Variants in XRRA1 observed in about 807,000 individuals in gnomAD.
XRRA1 encodes the protein X-ray radiation resistance-associated protein 1.
In XRRA1, 69 loss-of-function variants were observed where a neutral mutation model predicts 80.2. The observed-to-expected ratio is 0.86, with a 90% CI of 0.71 to 1.05. The LOEUF (loss-of-function observed/expected upper bound fraction) is 1.05. XRRA1 is among the 50% of genes least tolerant of loss of function. The pLI is 0.00. For missense variants in XRRA1, 967 were observed against 976.4 expected, an observed-to-expected ratio of 0.99 and a Z score of 0.13; for synonymous variants, 348 against 389.9, an observed-to-expected ratio of 0.89 and a Z score of 1.27.
chr11:74,887,933 A>G (rs1476547031), intron 10 of XRRA1, among the ~76,000 whole-genome samples: 1 of 152,146 alleles, frequency 6.6e-6, no homozygotes, highest in Non-Finnish European at 1.5e-5. Context: ...GGAAGCTCGA[A>G]CTGGGTAGAG....
chr11:74,947,223 G>C (rs1947761543), intron 1 of XRRA1, among the ~76,000 whole-genome samples: 1 of 151,904 alleles, frequency 6.6e-6, no homozygotes, highest in Non-Finnish European at 1.5e-5. Flanking sequence ...ATTAAAGCTG[G>C]ATCTTGAAAG....
At chr11:74,851,545 C>T (rs2039853670) in intron 13 of XRRA1, among the ~76,000 whole-genome samples, 1 of 152,186 alleles carries the variant, frequency 6.6e-6, no homozygotes, top group Admixed American at 6.5e-5. Flanking sequence ...CCACTGCTGA[C>T]CACTCCATTC....
chr11:74,872,965 C>A (rs1482427777), intron 10 of XRRA1, among the ~76,000 whole-genome samples: 1 of 145,858 alleles, frequency 6.9e-6, no homozygotes, highest in African/African-American at 2.8e-5. Flanking sequence ...TTTACTCATG[C>A]CTTCTTACTC....
At chr11:74,845,431 T>C (rs1057337924) in intron 15 of XRRA1, among the ~76,000 whole-genome samples, 160 bp from the exon 16 acceptor site, 4 of 152,202 alleles carry the variant, frequency 2.6e-5, no homozygotes, top group South Asian at 2.1e-4. Context: ...AAATAGACAA[T>C]TGATAAATGC....
intron 4 of XRRA1, among the ~76,000 whole-genome samples, chr11:74,936,559 T>G (rs919201961): frequency 6.6e-6 from 1 of 152,168 alleles, no homozygotes; most frequent in Non-Finnish European, 1.5e-5. Context: ...TAGACCAGAG[T>G]TCTAATCCTG....
chr11:74,918,376 G>A (rs866096579), intron 8 of XRRA1, among the ~76,000 whole-genome samples: 9 of 151,856 alleles, frequency 5.9e-5, no homozygotes, highest in African/African-American at 1.9e-4. Context: ...TTACAACTTA[G>A]TTTTTAGGAT....
At position 74,845,331 on chromosome 11, in the gene XRRA1, A is replaced by G; in HGVS notation, c.1729-60T>C. On this transcript the variant is annotated intron_variant, in intron 15 of 18. Transcript: ENST00000684022. ...TCATTCATTCATTCATTCCATGAACATTCGGAGTATCATCTCTGTGCTGGT... is the reference window on the plus strand; with the variant it reads ...TCATTCATTCATTCATTCCATGAACGTTCGGAGTATCATCTCTGTGCTGGT... The G allele has an allele frequency of 2.0e-6, 3 of 1,516,898 alleles. No homozygotes were observed. In the South Asian group the frequency reaches 3.6e-5, roughly 18 times the overall value. 94.0% of individuals were successfully genotyped at this position (1,516,898 alleles called of 1,614,324 possible).
intron 10 of XRRA1, among the ~76,000 whole-genome samples, chr11:74,902,634 A>C (rs1035677124): frequency 1.6e-4 from 24 of 152,204 alleles, no homozygotes; most frequent in African/African-American, 4.8e-4. Context: ...ATGGAACTGG[A>C]GGTCCCTATG....
intron 10 of XRRA1, among the ~76,000 whole-genome samples, chr11:74,893,706 G>A (rs1431847078): frequency 4.0e-5 from 6 of 151,882 alleles, no homozygotes; most frequent in South Asian, 2.1e-4. Flanking sequence ...TATCATGTAC[G>A]CCAGTCAGAA....
Position 74,843,847 on chromosome 11 carries a change from G to A in XRRA1, c.2149+7C>T, listed in dbSNP as rs2037170608. ...CTGGGATCCTGGCAGCTGTGGCAGA[G>A]CCGTACCTAGTGGAGCCTCTGTAAT... On this transcript the variant is annotated splice_region_variant and intron_variant, in intron 18 of 18. Transcript: ENST00000684022. The A allele has an allele frequency of 6.2e-7, 1 of 1,602,890 alleles. No individual in the cohort carries two copies. Among genetic ancestry groups the A allele is most frequent in the Non-Finnish European group, 8.5e-7 (1 of 1,174,268 alleles).
intron 10 of XRRA1, among the ~76,000 whole-genome samples, chr11:74,869,478 C>G (rs561497365): frequency 1.3e-5 from 2 of 152,294 alleles, no homozygotes; most frequent in South Asian, 4.1e-4. Context: ...TGGAAGTTTG[C>G]ATGGGGGAAT....
At chr11:74,890,930 A>G (rs897344221) in intron 10 of XRRA1, among the ~76,000 whole-genome samples, 3 of 152,110 alleles carry the variant, frequency 2.0e-5, no homozygotes, top group Admixed American at 2.0e-4. Context: ...CAACCAAAAA[A>G]CGTCCAGGAC....
At chr11:74,936,750 A>G in intron 4 of XRRA1, 134 bp downstream of exon 4, 1 of 1,149,902 alleles carries the variant, frequency 8.7e-7, no homozygotes, top group East Asian at 2.6e-5. Flanking sequence ...TCCTGGCTGT[A>G]CTCAATTTGC....
rs186034449 is a variant in XRRA1, at chr11:74,926,695, G to C, written c.522+696C>G. 3.3e-5 allele frequency among the ~76,000 whole-genome samples: 5 copies of C among 152,224 alleles called. No individual in the cohort carries two copies. The East Asian group carries it at 9.7e-4, about 29-fold the overall frequency. ...TGAAAGCTAAATAAGTAATCAACTTGAACTATAAGGACATGTGCAGAAAAT... is the reference window on the plus strand; with the variant it reads ...TGAAAGCTAAATAAGTAATCAACTTCAACTATAAGGACATGTGCAGAAAAT... On this transcript the variant is annotated intron_variant, in intron 7 of 18. Transcript: ENST00000684022.
intron 10 of XRRA1, among the ~76,000 whole-genome samples, chr11:74,897,337 A>G (rs187801680): frequency 1.1e-4 from 17 of 152,112 alleles, no homozygotes; most frequent in Admixed American, 9.8e-4. Context: ...AAAAAAGAAT[A>G]AAAAAACAGT....
intron 10 of XRRA1, among the ~76,000 whole-genome samples, chr11:74,864,418 G>A (rs543785264): frequency 2.6e-5 from 4 of 152,212 alleles, no homozygotes; most frequent in African/African-American, 4.8e-5. Flanking sequence ...TTCCACACCC[G>A]CCCACAGTCA....
intron 10 of XRRA1, among the ~76,000 whole-genome samples, chr11:74,880,204 G>A (rs935653892): frequency 1.3e-5 from 2 of 152,204 alleles, no homozygotes; most frequent in African/African-American, 4.8e-5. Context: ...GAGAGTGTAT[G>A]TGTCCAGGAA....
Position 74,863,026 on chromosome 11 carries a change from A to T in XRRA1, c.1004-5T>A. 6.2e-7 allele frequency: 1 copy of T among 1,600,478 alleles called. No individual in the cohort carries two copies. On this transcript the variant is annotated splice_polypyrimidine_tract_variant and splice_region_variant and intron_variant, in intron 10 of 18. Transcript: ENST00000684022. ...GGTAAGATGAAAACACAACCTCTGA[A>T]ACAGAAGAGAAACAGAATGAAGGTT...
chr11:74,945,648 T>C (rs534265758), intron 1 of XRRA1, among the ~76,000 whole-genome samples: 22 of 152,080 alleles, frequency 1.4e-4, no homozygotes, highest in Non-Finnish European at 2.8e-4. Context: ...GTAAGATCTT[T>C]ATATGGTAGA....
Sources: gnomAD v4.1 joint callset for allele counts (sites outside exome capture counted in the v4.1 genomes callset) on GRCh38, gnomAD v4.1.1 for gene constraint, MANE v1.5 for transcripts, NCBI Gene and HGNC (gene_info 2026-07-23, HGNC 2026-07-21) for gene names.